Variants in CEP104 observed in about 807,000 individuals in gnomAD.
CEP104 encodes centrosomal protein of 104 kDa.
CEP104 carries 84 observed loss-of-function variants against 113.3 expected under a neutral mutation model. That is an observed-to-expected ratio of 0.74 (90% CI 0.62 to 0.89). CEP104 has a LOEUF of 0.89. CEP104 is among the 40% of genes least tolerant of loss of function. The pLI, the probability that CEP104 is intolerant of heterozygous loss-of-function variation, is 0.00. For synonymous variants in CEP104, 378 were observed against 421.7 expected, an observed-to-expected ratio of 0.90 and a Z score of 1.27; for missense variants, 1,053 against 1,156.6, an observed-to-expected ratio of 0.91 and a Z score of 1.30.
intron 2 of CEP104, among the ~76,000 whole-genome samples, chr1:3,850,497 C>A (rs764454070): frequency 6.6e-6 from 1 of 152,186 alleles, no homozygotes; most frequent in African/African-American, 2.4e-5. Context: ...TCTGAGGTCA[C>A]ATGAACGGCA....
rs34060840 is a variant in CEP104, at chr1:3,815,093, C to A, written c.*309G>T. The A allele has an allele frequency of 2.9e-6, 1 of 345,212 alleles. No homozygotes were observed. The highest frequency in any genetic ancestry group is 6.4e-5 in the East Asian group (1 of 15,724). 21.4% of individuals were successfully genotyped at this position (345,212 alleles called of 1,614,324 possible). A position where few individuals can be genotyped will look rare whatever the true frequency, so the allele number is the denominator to read the frequency against. ...GTGGCCTTGCGCGAGCGCCTCCCGG[C>A]GGTGCTCTCTGGCTCTCTCCAAACA... On this transcript the variant is annotated 3_prime_UTR_variant, in exon 22 of 22. Coordinates refer to ENST00000378230, the MANE Select transcript of CEP104 (RefSeq NM_014704.4).
Position 3,847,459 on chromosome 1 carries a change from G to A in CEP104, c.426+16C>T. ...AGGTAGGGGCAGAATCAAAGGCGAA[G>A]CTGCATGCATCTTACCTGATTATAT... On this transcript the variant is annotated intron_variant, in intron 4 of 21. Transcript: ENST00000378230. 1 of 1,562,102 alleles carries A rather than the reference G, an allele frequency of 6.4e-7. No individual in the cohort carries two copies. The highest frequency in any genetic ancestry group is 8.6e-7 in the Non-Finnish European group (1 of 1,156,794).
intron 4 of CEP104, 141 bp downstream of exon 4, chr1:3,847,334 C>T (rs1414437308): frequency 2.3e-6 from 2 of 881,778 alleles, no homozygotes; most frequent in Admixed American, 2.9e-5. Context: ...GACAGCACAG[C>T]TCAGAGAGCT....
chr1:3,826,175 T>G (rs1644087025), intron 17 of CEP104, among the ~76,000 whole-genome samples, 195 bp downstream of exon 17: 1 of 152,180 alleles, frequency 6.6e-6, no homozygotes, highest in Non-Finnish European at 1.5e-5. Flanking sequence ...GAAAGGATAT[T>G]TTAAGTTACA....
intron 18 of CEP104, among the ~76,000 whole-genome samples, chr1:3,824,934 T>C (rs1239152383): frequency 4.2e-5 from 3 of 71,554 alleles, no homozygotes; most frequent in African/African-American, 1.6e-4. Context: ...GCAGTGGCAC[T>C]GTGGGAAGGG....
chr1:3,827,624 C>A (rs570593052), intron 15 of CEP104, among the ~76,000 whole-genome samples: 1 of 152,228 alleles, frequency 6.6e-6, no homozygotes, highest in Non-Finnish European at 1.5e-5. Flanking sequence ...GCACTCCATG[C>A]CACCACAGTG....
chr1:3,838,370 C>T (rs1427308998), intron 8 of CEP104, among the ~76,000 whole-genome samples: 3 of 152,144 alleles, frequency 2.0e-5, no homozygotes, highest in Non-Finnish European at 2.9e-5. Flanking sequence ...AGGCTGGTCT[C>T]GAACTCCTGG....
Position 3,848,699 on chromosome 1 carries a change from A to G in CEP104, c.196T>C (p.Tyr66His), listed in dbSNP as rs778271862. The change falls in exon 3 of 22, where the codon TAT becomes CAT. Residue 66 changes from tyrosine to histidine, a missense_variant. By Grantham distance (83) the Tyr-to-His change is moderately conservative (BLOSUM62 2). Transcript: ENST00000378230. Reference sequence around the variant, plus strand: ...AACTCAATTTTACTTGAAATCATATACTGGTGAGCAAGTAACTGCAGTTTC... The same window carrying G: ...AACTCAATTTTACTTGAAATCATATGCTGGTGAGCAAGTAACTGCAGTTTC... ...IRKLQLLAHQYMISSKIEFYI... is the reference protein window; with the variant it reads ...IRKLQLLAHQHMISSKIEFYI... 6.2e-7 allele frequency: 1 copy of G among 1,613,844 alleles called. No homozygotes were observed. The highest frequency in any genetic ancestry group is 8.5e-7 in the Non-Finnish European group (1 of 1,179,844).
At chr1:3,828,065 C>T (rs1200033951) in intron 15 of CEP104, among the ~76,000 whole-genome samples, 1 of 152,070 alleles carries the variant, frequency 6.6e-6, no homozygotes, top group Non-Finnish European at 1.5e-5. Flanking sequence ...ATAGGAGACC[C>T]CAGGATGGAC....
At position 3,824,134 on chromosome 1, in the gene CEP104, T is replaced by C. The variant is rs1570776714; in HGVS notation, c.2365-572A>G. On this transcript the variant is annotated intron_variant, in intron 18 of 21. Transcript: ENST00000378230. ...GGAGTTTCGCTCCTGTTGCCCAGGC[T>C]GGAGTGCCATGGTGTGATCTCGGCT... Among the ~76,000 whole-genome samples the C allele has an allele frequency of 2.0e-5, 3 of 152,340 alleles. No homozygotes were observed. The Middle Eastern group carries it at 0.01, about 518-fold the overall frequency.
At chr1:3,848,851 T>C in intron 2 of CEP104, 70 bp from the exon 3 acceptor site, 1 of 1,308,160 alleles carries the variant, frequency 7.6e-7, no homozygotes, top group Admixed American at 2.0e-5. Context: ...TAGCATCTCA[T>C]TCTTGCAGGT....
chr1:3,846,708 A>C (rs1390777021), intron 4 of CEP104, among the ~76,000 whole-genome samples: 1 of 152,144 alleles, frequency 6.6e-6, no homozygotes, highest in Non-Finnish European at 1.5e-5. Context: ...CAGGCAGCTT[A>C]ATTGGACCTT....
Position 3,815,478 on chromosome 1 carries a change from G to A in CEP104, c.2702C>T (p.Ser901Leu). 6.2e-7 allele frequency: 1 copy of A among 1,612,442 alleles called. No individual in the cohort carries two copies. Among genetic ancestry groups the A allele is most frequent in the Non-Finnish European group, 8.5e-7 (1 of 1,179,460 alleles). The change falls in exon 22 of 22, where the codon TCA becomes TTA. Residue 901 changes from serine (S) to leucine (L), a missense_variant. By Grantham distance (145) the Ser-to-Leu change is moderately radical. Coordinates refer to ENST00000378230, the MANE Select transcript of CEP104 (RefSeq NM_014704.4). ...GGTGGGGATCTTGCTTCCGGCCTTT[G>A]ACCCCAAGGGGCCTGATGCGGCCAC... ...SAVAASGPLG[S>L]KAGSKIPTPK...
intron 12 of CEP104, 33 bp downstream of exon 12, chr1:3,833,829 C>T (rs767971108): frequency 6.2e-7 from 1 of 1,607,434 alleles, no homozygotes; most frequent in East Asian, 2.2e-5. Flanking sequence ...TGTTTATCAT[C>T]TACGGTTTCA....
chr1:3,834,048 T>C lies in CEP104; in HGVS notation c.1486-13A>G, dbSNP rs749326186. 6.2e-7 allele frequency: 1 copy of C among 1,607,952 alleles called. No individual in the cohort carries two copies. The highest frequency in any genetic ancestry group is 1.7e-5 in the Admixed American group (1 of 59,996). ...AAGCCTGAAAAACCTAAGAGAAAAG[T>C]GATGAACACGGATGAGTTACTACGG... On this transcript the variant is annotated splice_polypyrimidine_tract_variant and intron_variant, in intron 11 of 21. Transcript: ENST00000378230.
At chr1:3,843,305 A>AC (rs1399924423) in intron 6 of CEP104, 14 of 563,766 alleles carry the variant, frequency 2.5e-5, no homozygotes, top group Non-Finnish European at 2.5e-5. Context: ...AAGTGGATTC[A>AC]CCCCCGGTTC....
In CEP104 at chr1:3,813,306, A is replaced by G. The variant is rs1246056624; in HGVS notation, c.*2096T>C. The G allele has an allele frequency of 1.3e-5, 2 of 149,442 alleles. No homozygotes were observed. Among genetic ancestry groups the G allele is most frequent in the Non-Finnish European group, 3.0e-5 (2 of 67,690 alleles). 9.3% of individuals were successfully genotyped at this position (149,442 alleles called of 1,614,324 possible). A position where few individuals can be genotyped will look rare whatever the true frequency, so the allele number is the denominator to read the frequency against. ...CGCTCTGTCGCCTGGGCTGGAGTGC[A>G]ATGGCATGATGTGGGCTCAATGCAA... is the stretch of plus-strand genomic sequence containing the variant. On this transcript the variant is annotated 3_prime_UTR_variant, in exon 22 of 22. Coordinates refer to ENST00000378230, the MANE Select transcript of CEP104 (RefSeq NM_014704.4).
intron 4 of CEP104, among the ~76,000 whole-genome samples, chr1:3,845,713 A>G (rs1399772700): frequency 1.3e-5 from 2 of 152,258 alleles, no homozygotes; most frequent in Admixed American, 6.5e-5. Context: ...ATGTTATGCC[A>G]ATATAAATAA....
chr1:3,838,842 CCT>C (rs1644361899), intron 8 of CEP104, 120 bp downstream of exon 8: 1 of 1,062,208 alleles, frequency 9.4e-7, no homozygotes, highest in Non-Finnish European at 1.4e-6. Context: ...ATAACTGTCC[CCT>C]GAGCACTGCA....
Sources: allele counts gnomAD v4.1 joint callset (sites outside exome capture counted in the v4.1 genomes callset), GRCh38; gene constraint gnomAD v4.1.1; transcripts MANE v1.5; gene names NCBI Gene and HGNC (gene_info 2026-07-23, HGNC 2026-07-21).